Variants in SCHIP1 observed in about 807,000 individuals in gnomAD.
SCHIP1 encodes schwannomin-interacting protein 1.
Under a neutral mutation model 29.7 loss-of-function variants are expected in SCHIP1, and 8 were observed. The observed-to-expected ratio is 0.27, with a 90% CI of 0.16 to 0.49. The LOEUF (loss-of-function observed/expected upper bound fraction) is 0.49. SCHIP1 is among the 20% of genes least tolerant of loss of function. The pLI is 0.99. For missense variants in SCHIP1, 193 were observed against 294.6 expected (o/e 0.66, Z 2.52); for synonymous variants, 76 against 94.9 (o/e 0.80, Z 1.16).
At chr3:159,877,423 A>G (rs1173253469) in intron 2 of SCHIP1, among the ~76,000 whole-genome samples, 2 of 152,228 alleles carry the variant, frequency 1.3e-5, no homozygotes, top group Non-Finnish European at 2.9e-5. Flanking sequence ...TTATTGATCC[A>G]CTGCATTCTT....
At chr3:159,492,120 CA>C in the SCHIP1 span, among the ~76,000 whole-genome samples, 1 of 152,040 alleles carries the variant, frequency 6.6e-6, no homozygotes, top group East Asian at 1.9e-4. Flanking sequence ...CATCAAAGAC[CA>C]AAGGTAGATA....
At chr3:159,705,033 G>A in the SCHIP1 span, among the ~76,000 whole-genome samples, 20 of 151,508 alleles carry the variant, frequency 1.3e-4, no homozygotes, top group East Asian at 3.5e-3. Context: ...GCACAATCTT[G>A]GCTCACTGCA....
chr3:159,762,626 CCA>C, the SCHIP1 span, among the ~76,000 whole-genome samples: 7 of 152,208 alleles, frequency 4.6e-5, no homozygotes, highest in African/African-American at 1.7e-4. Context: ...TTCACAATCA[CCA>C]CAGAGAAAAG....
At chr3:159,345,298 GAAAA>G in the SCHIP1 span, among the ~76,000 whole-genome samples, 1 of 150,038 alleles carries the variant, frequency 6.7e-6, no homozygotes, top group Non-Finnish European at 1.5e-5. Flanking sequence ...CCAAATACTA[GAAAA>G]AAAAATTTTT....
At chr3:159,826,703 T>C in the SCHIP1 span, among the ~76,000 whole-genome samples, 1 of 152,188 alleles carries the variant, frequency 6.6e-6, no homozygotes, top group African/African-American at 2.4e-5. Context: ...TCTAAGATGC[T>C]GAAACTCAGA....
the SCHIP1 span, among the ~76,000 whole-genome samples, chr3:159,749,983 C>T: frequency 1.3e-5 from 2 of 152,018 alleles, no homozygotes; most frequent in South Asian, 2.1e-4. Flanking sequence ...CTCACTAGTA[C>T]TAGTAATACT....
At chr3:159,357,489 G>A in the SCHIP1 span, among the ~76,000 whole-genome samples, 2 of 152,200 alleles carry the variant, frequency 1.3e-5, no homozygotes, top group African/African-American at 4.8e-5. Flanking sequence ...TTCTATCAAT[G>A]AGAGGACAGG....
At chr3:159,543,321 T>C in the SCHIP1 span, among the ~76,000 whole-genome samples, 3 of 147,896 alleles carry the variant, frequency 2.0e-5, no homozygotes, top group Non-Finnish European at 4.5e-5. Context: ...AACTCGTCAT[T>C]TAGCATTAGG....
the SCHIP1 span, among the ~76,000 whole-genome samples, chr3:159,478,023 A>G: frequency 4.2e-4 from 64 of 150,844 alleles, no homozygotes; most frequent in African/African-American, 1.3e-3. Flanking sequence ...CCTGGGTTCA[A>G]GTGATTCTCC....
the SCHIP1 span, among the ~76,000 whole-genome samples, chr3:159,674,897 T>A: frequency 6.6e-6 from 1 of 152,158 alleles, no homozygotes; most frequent in Non-Finnish European, 1.5e-5. Flanking sequence ...AGCCCTACAA[T>A]GGCAGCAGTA....
chr3:159,891,521 G>A (rs553642847), intron 5 of SCHIP1, among the ~76,000 whole-genome samples: 108 of 152,266 alleles, frequency 7.1e-4, no homozygotes, highest in Non-Finnish European at 9.3e-4. Flanking sequence ...AATTTCAGGG[G>A]TTATTTCTTC....
the SCHIP1 span, among the ~76,000 whole-genome samples, chr3:159,516,180 T>C: frequency 6.6e-6 from 1 of 152,150 alleles, no homozygotes; most frequent in East Asian, 1.9e-4. Context: ...CATTTATTTC[T>C]TATAAGTGAT....
the SCHIP1 span, among the ~76,000 whole-genome samples, chr3:159,316,089 C>T: frequency 6.6e-6 from 1 of 152,182 alleles, no homozygotes; most frequent in South Asian, 2.1e-4. Context: ...TTGCCTATGA[C>T]CCCTGGAGAT....
chr3:159,601,520 G>T, the SCHIP1 span, among the ~76,000 whole-genome samples: 44 of 152,178 alleles, frequency 2.9e-4, no homozygotes, highest in Non-Finnish European at 6.0e-4. Context: ...GTAGGATCAG[G>T]TATGCAGAGG....
the SCHIP1 span, among the ~76,000 whole-genome samples, chr3:159,581,329 C>T: frequency 1.6e-3 from 241 of 152,236 alleles, 1 homozygote; most frequent in African/African-American, 5.6e-3. Flanking sequence ...AAGCTGGCAA[C>T]CAAAAACCAC....
intron 2 of SCHIP1, among the ~76,000 whole-genome samples, chr3:159,882,964 T>A (rs561324191): frequency 3.2e-4 from 48 of 152,308 alleles, no homozygotes; most frequent in African/African-American, 1.1e-3. Context: ...TTAGTCTTTA[T>A]CTCTCCATGT....
At chr3:159,809,345 C>A in the SCHIP1 span, among the ~76,000 whole-genome samples, 1 of 152,104 alleles carries the variant, frequency 6.6e-6, no homozygotes. Flanking sequence ...GCATAGTATT[C>A]CATGGTGTGT....
At chr3:159,597,202 ATAAAC>A in the SCHIP1 span, among the ~76,000 whole-genome samples, 1 of 152,140 alleles carries the variant, frequency 6.6e-6, no homozygotes, top group South Asian at 2.1e-4. Context: ...TATGGAAACT[ATAAAC>A]TAATTATATA....
At chr3:159,492,619 G>A in the SCHIP1 span, among the ~76,000 whole-genome samples, 12 of 152,134 alleles carry the variant, frequency 7.9e-5, no homozygotes, top group African/African-American at 1.7e-4. Context: ...CCAAAACTAC[G>A]TCTAATTGCT....
Sources: gnomAD v4.1 joint callset for allele counts (sites outside exome capture counted in the v4.1 genomes callset) on GRCh38, gnomAD v4.1.1 for gene constraint, MANE v1.5 for transcripts, NCBI Gene and HGNC (gene_info 2026-07-23, HGNC 2026-07-21) for gene names.